The following RNLS variants were observed in gnomAD, a reference collection of about 807,000 sequenced individuals.
RNLS encodes renalase.
A neutral mutation model predicts 39.8 loss-of-function variants in RNLS; 39 were observed. That is an observed-to-expected ratio of 0.98 (90% CI 0.76 to 1.28). RNLS has a LOEUF of 1.28. Among genes scored for constraint, RNLS ranks in the 50% most tolerant of loss-of-function variants. The probability of loss-of-function intolerance (pLI) is 0.00; values close to 1 mark genes in which losing one functional copy is unlikely to be tolerated. For synonymous variants in RNLS, 147 were observed against 150.7 expected (o/e 0.98, Z 0.18); for missense variants, 410 against 413.3 (o/e 0.99, Z 0.07).
chr10:88,497,705 A>G (rs1845251002), intron 4 of RNLS, among the ~76,000 whole-genome samples: 1 of 152,064 alleles, frequency 6.6e-6, no homozygotes, highest in South Asian at 2.1e-4. Flanking sequence ...AAACTAGGAC[A>G]AAGCAGAAAT....
chr10:88,432,907 T>A (rs1855221150), intron 4 of RNLS, among the ~76,000 whole-genome samples: 1 of 151,944 alleles, frequency 6.6e-6, no homozygotes, highest in African/African-American at 2.4e-5. Context: ...TGAAGTGAGA[T>A]TTTTTTCAAC....
chr10:88,503,694 A>G (rs1465009476), intron 4 of RNLS, among the ~76,000 whole-genome samples: 1 of 152,300 alleles, frequency 6.6e-6, no homozygotes, highest in African/African-American at 2.4e-5. Flanking sequence ...AGGACTGTGA[A>G]TAAGACAATG....
chr10:88,372,040 ATACT>A (rs1850598711), intron 4 of RNLS, among the ~76,000 whole-genome samples: 1 of 152,172 alleles, frequency 6.6e-6, no homozygotes, highest in South Asian at 2.1e-4. Flanking sequence ...AAATACAATA[ATACT>A]TAATAGATCA....
At chr10:88,326,503 T>C (rs192203114) in intron 5 of RNLS, among the ~76,000 whole-genome samples, 40 of 152,250 alleles carry the variant, frequency 2.6e-4, no homozygotes, top group African/African-American at 8.7e-4. Flanking sequence ...GTGGAAGAAA[T>C]TTGTAAGCAG....
chr10:88,326,780 C>A (rs1050479625), intron 5 of RNLS, among the ~76,000 whole-genome samples: 5 of 152,192 alleles, frequency 3.3e-5, no homozygotes, highest in African/African-American at 1.2e-4. Flanking sequence ...GGAAAAGCTG[C>A]AGACACTCAA....
intron 3 of RNLS, among the ~76,000 whole-genome samples, chr10:88,581,034 T>C (rs911531614): frequency 1.1e-4 from 17 of 152,184 alleles, no homozygotes; most frequent in African/African-American, 4.1e-4. Flanking sequence ...ATGTTTGTAT[T>C]AGCAAAAACC....
intron 4 of RNLS, among the ~76,000 whole-genome samples, chr10:88,483,866 CTT>C (rs1844343161): frequency 1.3e-5 from 2 of 152,124 alleles, no homozygotes; most frequent in African/African-American, 4.8e-5. Context: ...AACTGAGACT[CTT>C]TTGCAGATTA....
intron 5 of RNLS, among the ~76,000 whole-genome samples, chr10:88,337,747 T>G (rs1314190683): frequency 6.6e-6 from 1 of 152,202 alleles, no homozygotes; most frequent in Non-Finnish European, 1.5e-5. Context: ...GGAACAATAA[T>G]AAGTCTCCCC....
intron 5 of RNLS, among the ~76,000 whole-genome samples, chr10:88,338,986 C>T (rs1257854726): frequency 6.6e-6 from 1 of 152,102 alleles, no homozygotes; most frequent in Non-Finnish European, 1.5e-5. Context: ...TGGTCTGGAT[C>T]TCCTGACCTC....
downstream of RNLS, among the ~76,000 whole-genome samples, chr10:88,282,675 C>T (rs185760408): frequency 1.2e-4 from 18 of 152,140 alleles, no homozygotes; most frequent in East Asian, 5.8e-4. Context: ...CCCGCCCTCC[C>T]CCCAGTAATA....
chr10:88,426,756 G>C (rs568241205), intron 4 of RNLS, among the ~76,000 whole-genome samples: 1 of 151,972 alleles, frequency 6.6e-6, no homozygotes, highest in African/African-American at 2.4e-5. Context: ...GTAAGGAGGA[G>C]GAGCCAGGGT....
intron 5 of RNLS, among the ~76,000 whole-genome samples, chr10:88,358,212 G>A (rs1849346882): frequency 6.6e-6 from 1 of 152,116 alleles, no homozygotes; most frequent in Admixed American, 6.5e-5. Flanking sequence ...GAAGATTTGA[G>A]TTTATTGGCA....
chr10:88,479,062 T>C (rs1388659753), intron 4 of RNLS, among the ~76,000 whole-genome samples: 1 of 152,168 alleles, frequency 6.6e-6, no homozygotes, highest in African/African-American at 2.4e-5. Context: ...GAAGACTAAA[T>C]GAACATATAG....
chr10:88,203,335 TACAC>T, the RNLS span, among the ~76,000 whole-genome samples: 2 of 6,116 alleles, frequency 3.3e-4, no homozygotes, highest in African/African-American at 9.0e-4. Context: ...TATATATATA[TACAC>T]GTATGTGTAT....
rs539883807 is a variant in RNLS, at chr10:88,363,641, T to C, written c.527-916A>G. Among the ~76,000 whole-genome samples, 4 of 152,194 alleles carry C rather than the reference T, an allele frequency of 2.6e-5. No individual in the cohort carries two copies. The East Asian group carries it at 5.8e-4, about 22-fold the overall frequency. On this transcript the variant is annotated intron_variant, in intron 4 of 6. Coordinates refer to ENST00000331772, the MANE Select transcript of RNLS (RefSeq NM_001031709.3). ...CACCAAAGATGAAACTTTAAAGGGA[T>C]AGAAAGGCAAACACAGACATGCAAA...
chr10:88,489,189 A>G (rs1440945266), intron 4 of RNLS, among the ~76,000 whole-genome samples: 1 of 152,184 alleles, frequency 6.6e-6, no homozygotes, highest in South Asian at 2.1e-4. Flanking sequence ...AAGGTTTCCA[A>G]TATTTTTGGT....
chr10:88,288,018 A>G (rs1188771846), intron 6 of RNLS, among the ~76,000 whole-genome samples: 2 of 152,070 alleles, frequency 1.3e-5, no homozygotes, highest in African/African-American at 4.8e-5. Flanking sequence ...GAGGCAAATA[A>G]CTTTCTGGCT....
At chr10:88,260,370 T>C in the RNLS span, among the ~76,000 whole-genome samples, 1 of 152,238 alleles carries the variant, frequency 6.6e-6, no homozygotes, top group South Asian at 2.1e-4. Context: ...TAGACAATAG[T>C]GTCAAGGGCT....
intron 4 of RNLS, among the ~76,000 whole-genome samples, chr10:88,410,960 A>T (rs1853619705): frequency 6.6e-6 from 1 of 152,174 alleles, no homozygotes. Context: ...GGAAATGCAC[A>T]TGGACACACA....
Sources: allele counts gnomAD v4.1 joint callset (sites outside exome capture counted in the v4.1 genomes callset), GRCh38; gene constraint gnomAD v4.1.1; transcripts MANE v1.5; gene names NCBI Gene and HGNC (gene_info 2026-07-23, HGNC 2026-07-21).